Variants in CNNM1 observed in about 807,000 individuals in gnomAD.
CNNM1 encodes the protein metal transporter CNNM1.
A neutral mutation model predicts 78.8 loss-of-function variants in CNNM1; 44 were observed. The ratio of observed to expected loss-of-function variants is 0.56; its 90% CI spans 0.44 to 0.72. The LOEUF (loss-of-function observed/expected upper bound fraction) is 0.72, where lower values mean the gene tolerates loss of function less well. Ranked by LOEUF, CNNM1 falls within the 30% of genes least tolerant of loss-of-function variation. The pLI, the probability that CNNM1 is intolerant of heterozygous loss-of-function variation, is 0.00. For synonymous variants in CNNM1, 584 were observed against 581.5 expected, an observed-to-expected ratio of 1.00 and a Z score of -0.06; for missense variants, 1,101 against 1,292.2, an observed-to-expected ratio of 0.85 and a Z score of 2.27.
intron 1 of CNNM1, among the ~76,000 whole-genome samples, chr10:99,352,333 T>C (rs1321013581): frequency 1.3e-5 from 2 of 152,248 alleles, no homozygotes; most frequent in African/African-American, 4.8e-5. Flanking sequence ...AATATCCAAT[T>C]GTATTGATAT....
chr10:99,356,486 AAGAGAG>A lies in CNNM1; in HGVS notation c.1574-1006_1574-1001del, dbSNP rs60050038. ...AGAGACTCCATCTCAGAAAGAAAGAAAGAGAGAGAGAGAGAGAGAGAGAGAAAGAGA... is the reference window on the plus strand; with the variant it reads ...AGAGACTCCATCTCAGAAAGAAAGAAAGAGAGAGAGAGAGAGAGAAAGAGA... On this transcript the variant is annotated intron_variant, in intron 1 of 10. Transcript: ENST00000356713. Among the ~76,000 whole-genome samples the A allele has an allele frequency of 3.3e-3, 449 of 137,052 alleles. 2 individuals are homozygous for A. Among genetic ancestry groups the A allele is most frequent in the Non-Finnish European group, 4.0e-3 (266 of 66,054 alleles). The allele number at this position is 137,052 out of a possible 152,430, so 89.9% of individuals were successfully genotyped here. A position where few individuals can be genotyped will look rare whatever the true frequency, so the allele number is the denominator to read the frequency against.
At chr10:99,338,563 G>A (rs985245550) in intron 1 of CNNM1, among the ~76,000 whole-genome samples, 5 of 151,986 alleles carry the variant, frequency 3.3e-5, no homozygotes, top group African/African-American at 1.2e-4. Context: ...ACAGGTGTGA[G>A]CCATTGCACC....
intron 1 of CNNM1, among the ~76,000 whole-genome samples, chr10:99,355,024 G>A (rs553836625): frequency 6.6e-5 from 10 of 152,208 alleles, no homozygotes; most frequent in East Asian, 1.9e-4. Context: ...TTCCGATTTC[G>A]TTTCAGTTTA....
chr10:99,346,521 T>G (rs1244723485), intron 1 of CNNM1, among the ~76,000 whole-genome samples: 1 of 152,210 alleles, frequency 6.6e-6, no homozygotes, highest in African/African-American at 2.4e-5. Flanking sequence ...GCTCAGAAAT[T>G]GATCTCTTCT....
intron 7 of CNNM1, among the ~76,000 whole-genome samples, chr10:99,386,247 T>C (rs2032301238): frequency 2.0e-5 from 3 of 152,206 alleles, no homozygotes; most frequent in Non-Finnish European, 4.4e-5. Context: ...CTGTAACTAA[T>C]TTTAACTAGG....
chr10:99,372,370 A>G (rs1161014207), intron 6 of CNNM1, among the ~76,000 whole-genome samples: 1 of 152,166 alleles, frequency 6.6e-6, no homozygotes, highest in East Asian at 1.9e-4. Flanking sequence ...CCTGCTCCCC[A>G]TCACCCGGTT....
chr10:99,339,515 T>C (rs1269652431), intron 1 of CNNM1, among the ~76,000 whole-genome samples: 2 of 152,158 alleles, frequency 1.3e-5, no homozygotes, highest in Non-Finnish European at 2.9e-5. Flanking sequence ...TCCTGTCAGA[T>C]CAGCTGGGGC....
chr10:99,375,600 C>T (rs1426121429), intron 6 of CNNM1, among the ~76,000 whole-genome samples: 1 of 152,188 alleles, frequency 6.6e-6, no homozygotes, highest in African/African-American at 2.4e-5. Context: ...ACTCTTTCTG[C>T]TACATGGTTT....
intron 1 of CNNM1, among the ~76,000 whole-genome samples, chr10:99,349,520 G>A (rs1488097951): frequency 6.6e-6 from 1 of 152,190 alleles, no homozygotes; most frequent in African/African-American, 2.4e-5. Flanking sequence ...AGAATCACCT[G>A]GAGATATTGA....
chr10:99,383,692 C>G (rs151271070), intron 7 of CNNM1, among the ~76,000 whole-genome samples: 2 of 152,108 alleles, frequency 1.3e-5, no homozygotes, highest in African/African-American at 4.8e-5. Flanking sequence ...GTAGACATGG[C>G]GCATTCGAGG....
chr10:99,393,483 A>C lies in CNNM1; in HGVS notation c.*1967A>C, dbSNP rs1344351527. ...ATTAAAGCTTTCATAAGGTTCTCAA[A>C]GGTCTCAGACCTACAAAGAGTTAAA... On this transcript the variant is annotated 3_prime_UTR_variant, in exon 11 of 11. Transcript: ENST00000356713. 2 of 152,540 alleles carry C rather than the reference A, an allele frequency of 1.3e-5. No individual in the cohort carries two copies. Among genetic ancestry groups the C allele is most frequent in the South Asian group, 2.1e-4 (1 of 4,824 alleles). The allele number at this position is 152,540 out of a possible 1,614,324, so 9.4% of individuals were successfully genotyped here.
In CNNM1 at chr10:99,390,426, A is replaced by G. The variant is rs373249026; in HGVS notation, c.2776+19A>G. The G allele has an allele frequency of 2.5e-5, 40 of 1,576,770 alleles. 1 individual carries two copies. The African/African-American group carries it at 4.7e-4, about 19-fold the overall frequency. On this transcript the variant is annotated intron_variant, in intron 10 of 10. Transcript: ENST00000356713. ...ACCTTGAGTGAGTAGCTAGTTCTTC[A>G]CCCAAATGAGAGCCACCCTGCTGAT... is the stretch of plus-strand genomic sequence containing the variant.
intron 9 of CNNM1, among the ~76,000 whole-genome samples, chr10:99,388,593 G>A (rs1255379196): frequency 1.3e-5 from 2 of 152,214 alleles, no homozygotes; most frequent in Admixed American, 6.5e-5. Context: ...TTTTAGGCAA[G>A]TTATTGAACC....
At chr10:99,373,524 A>G (rs559132094) in intron 6 of CNNM1, among the ~76,000 whole-genome samples, 43 of 152,288 alleles carry the variant, frequency 2.8e-4, no homozygotes, top group African/African-American at 8.7e-4. Flanking sequence ...AACAGCTACA[A>G]ATGGGTCTGG....
At chr10:99,335,279 C>T (rs56939978) in intron 1 of CNNM1, among the ~76,000 whole-genome samples, 5,649 of 152,244 alleles carry the variant, frequency 0.037, 218 homozygotes, top group East Asian at 0.16. Flanking sequence ...TATCTTTTTA[C>T]TTCTTATGAG....
intron 1 of CNNM1, among the ~76,000 whole-genome samples, chr10:99,349,446 T>C (rs1485602833): frequency 6.6e-6 from 1 of 152,086 alleles, no homozygotes; most frequent in African/African-American, 2.4e-5. Flanking sequence ...AAAGTTCCAA[T>C]CATAAGGGTG....
In CNNM1 at chr10:99,338,359, G is replaced by C. The variant is rs987695342; in HGVS notation, c.1573+7399G>C. 5.4e-5 allele frequency among the ~76,000 whole-genome samples: 8 copies of C among 147,800 alleles called. No homozygotes were observed. In the East Asian group the frequency reaches 1.6e-3, roughly 29 times the overall value. On this transcript the variant is annotated intron_variant, in intron 1 of 10. Transcript: ENST00000356713. ...CGCCCAGGCTGGAGTGCAGTGGTGTGATCTCGCCTCCCAGGTTCAAGCGAT... is the reference window on the plus strand; with the variant it reads ...CGCCCAGGCTGGAGTGCAGTGGTGTCATCTCGCCTCCCAGGTTCAAGCGAT...
At chr10:99,364,190 T>C (rs1366976440) in intron 4 of CNNM1, among the ~76,000 whole-genome samples, 1 of 152,198 alleles carries the variant, frequency 6.6e-6, no homozygotes, top group East Asian at 1.9e-4. Context: ...TATTCATGAC[T>C]GGATGCTATT....
chr10:99,329,508 T>C lies in CNNM1; in HGVS notation c.121T>C (p.Trp41Arg). 6.6e-7 allele frequency: 1 copy of C among 1,509,914 alleles called. No individual in the cohort carries two copies. Among genetic ancestry groups the C allele is most frequent in the Non-Finnish European group, 8.8e-7 (1 of 1,135,692 alleles). 93.5% of individuals were successfully genotyped at this position (1,509,914 alleles called of 1,614,324 possible). ...LSPRPPAAAA[W>R]LLGLRPEDTA... ...TCCTCGGCCCCCGGCCGCCGCCGCC[T>C]GGCTGCTGGGCCTGCGGCCCGAGGA... Residue 41 changes from tryptophan (W) to arginine (R), a missense_variant, in exon 1 of 11, where the codon TGG (tryptophan) becomes CGG (arginine). Around this residue, in one of 3 missense-constraint regions of CNNM1, gnomAD observed 476 missense variants for 484.5 expected, o/e 0.98. Transcript: ENST00000356713.
Sources: gnomAD v4.1 joint callset for allele counts (sites outside exome capture counted in the v4.1 genomes callset) on GRCh38, gnomAD v4.1.1 for gene constraint, gnomAD v4.1.1 regional missense constraint, MANE v1.5 for transcripts, NCBI Gene and HGNC (gene_info 2026-07-23, HGNC 2026-07-21) for gene names.